The following RBMS3 variants were observed in gnomAD, a reference collection of about 807,000 sequenced individuals.
RBMS3 encodes RNA-binding motif, single-stranded-interacting protein 3.
In RBMS3, 27 loss-of-function variants were observed where a neutral mutation model predicts 66.8. The observed-to-expected ratio is 0.40, with a 90% confidence interval of 0.30 to 0.56. The LOEUF is 0.56. Among genes scored for constraint, RBMS3 ranks in the 20% least tolerant of loss-of-function variants. RBMS3 has a pLI of 0.40. For missense variants in RBMS3, 513 were observed against 549.5 expected, an observed-to-expected ratio of 0.93 and a Z score of 0.66; for synonymous variants, 188 against 183.0, an observed-to-expected ratio of 1.03 and a Z score of -0.22.
At chr3:29,720,391 T>G (rs911746643) in intron 4 of RBMS3, among the ~76,000 whole-genome samples, 1 of 152,136 alleles carries the variant, frequency 6.6e-6, no homozygotes, top group African/African-American at 2.4e-5. Context: ...AGGAAAGATA[T>G]TAACATTTAC....
intron 2 of RBMS3, among the ~76,000 whole-genome samples, chr3:29,475,145 A>G (rs923671663): frequency 2.6e-5 from 4 of 152,208 alleles, no homozygotes; most frequent in African/African-American, 9.6e-5. Flanking sequence ...TAGTGTCTGT[A>G]ACGGATGCTT....
intron 6 of RBMS3, chr3:29,766,337 A>G (rs1023617167): frequency 3.9e-5 from 6 of 151,994 alleles, no homozygotes; most frequent in Admixed American, 2.6e-4. Flanking sequence ...AACAAGGAAA[A>G]AATCTATTTC....
rs1699212090 is a variant in RBMS3 at position 29,996,136 on chromosome 3, G to C, written c.1307+4927G>C. ...TGCAATCCTAGTCTCTGATAAAACA[G>C]ACTTTAAACCAACAAAGATCAAAAG... On this transcript the variant is annotated intron_variant, in intron 14 of 14. Coordinates refer to ENST00000383767, the MANE Select transcript of RBMS3 (RefSeq NM_001003793.3). 6.0e-5 allele frequency among the ~76,000 whole-genome samples: 9 copies of C among 149,762 alleles called. No individual in the cohort carries two copies. The South Asian group carries it at 1.9e-3, about 32-fold the overall frequency.
At chr3:29,330,841 T>A (rs1040149425) in intron 1 of RBMS3, among the ~76,000 whole-genome samples, 6 of 152,104 alleles carry the variant, frequency 3.9e-5, no homozygotes, top group Non-Finnish European at 8.8e-5. Flanking sequence ...ACGTTGTCAG[T>A]CCATAGAAAA....
chr3:29,819,964 G>A (rs1417728915), intron 6 of RBMS3, among the ~76,000 whole-genome samples: 1 of 152,060 alleles, frequency 6.6e-6, no homozygotes, highest in Non-Finnish European at 1.5e-5. Context: ...GAAGGCCAGT[G>A]CAGGTGGATC....
At chr3:29,364,845 G>C (rs1308673695) in intron 1 of RBMS3, among the ~76,000 whole-genome samples, 1 of 152,068 alleles carries the variant, frequency 6.6e-6, no homozygotes, top group Non-Finnish European at 1.5e-5. Context: ...GAAGTATTGA[G>C]ATTTTTATTG....
intron 1 of RBMS3, among the ~76,000 whole-genome samples, chr3:29,352,229 C>T (rs984450099): frequency 6.6e-6 from 1 of 152,020 alleles, no homozygotes; most frequent in East Asian, 1.9e-4. Flanking sequence ...ATATTTTGTT[C>T]GTTTTTGCAA....
chr3:29,431,285 C>CTTTTTCCT (rs535750658), intron 1 of RBMS3, among the ~76,000 whole-genome samples: 3 of 123,046 alleles, frequency 2.4e-5, no homozygotes, highest in Non-Finnish European at 4.9e-5. Flanking sequence ...ATGTTTCTTT[C>CTTTTTCCT]TTTCTTTTTC....
intron 6 of RBMS3, among the ~76,000 whole-genome samples, chr3:29,826,743 G>A (rs2058221641): frequency 6.6e-6 from 1 of 151,954 alleles, no homozygotes; most frequent in Non-Finnish European, 1.5e-5. Flanking sequence ...TTTCTCCTTG[G>A]ATCACCTCCA....
intron 1 of RBMS3, among the ~76,000 whole-genome samples, chr3:29,305,370 T>C (rs1192609108): frequency 2.0e-5 from 3 of 151,986 alleles, no homozygotes; most frequent in Admixed American, 6.6e-5. Flanking sequence ...ATCTGATCTA[T>C]TACATTCTTT....
chr3:29,428,573 T>TAA (rs36117390), intron 1 of RBMS3, among the ~76,000 whole-genome samples: 4 of 144,400 alleles, frequency 2.8e-5, no homozygotes, highest in African/African-American at 1.0e-4. Flanking sequence ...TGCTTTCTGT[T>TAA]AAAAAAAAAA....
intron 7 of RBMS3, 133 bp from the exon 8 acceptor site, chr3:29,884,029 A>C: frequency 8.4e-6 from 6 of 713,178 alleles, no homozygotes; most frequent in Non-Finnish European, 1.4e-5. Context: ...CAGTAAGCAT[A>C]GAGATATACA....
At chr3:29,741,275 A>G (rs1483858704) in intron 5 of RBMS3, among the ~76,000 whole-genome samples, 1 of 152,146 alleles carries the variant, frequency 6.6e-6, no homozygotes, top group Non-Finnish European at 1.5e-5. Context: ...AATGAAGAAA[A>G]TCTCCCTGAC....
At position 29,586,498 on chromosome 3, in the gene RBMS3, TACG is replaced by T. The variant is rs573172685; in HGVS notation, c.308-614_308-612del. On this transcript the variant is annotated intron_variant, in intron 3 of 14. Coordinates refer to ENST00000383767, the MANE Select transcript of RBMS3 (RefSeq NM_001003793.3). ...TTAATCATTCTTTTTCACAGATCTG[TACG>T]AGTCAAAATAATTTAAGATGCTATC... is the stretch of plus-strand genomic sequence containing the variant. 2.9e-3 allele frequency among the ~76,000 whole-genome samples: 441 copies of T among 152,260 alleles called. 1 individual carries two copies. The highest frequency in any genetic ancestry group is 4.7e-3 in the Non-Finnish European group (319 of 68,008).
intron 6 of RBMS3, among the ~76,000 whole-genome samples, chr3:29,814,043 A>C (rs2057803882): frequency 1.3e-5 from 2 of 151,934 alleles, no homozygotes; most frequent in South Asian, 4.1e-4. Context: ...GAGAGAGGGC[A>C]TCCCTGTCTT....
At chr3:29,534,635 T>C (rs1022329546) in intron 3 of RBMS3, among the ~76,000 whole-genome samples, 1 of 152,190 alleles carries the variant, frequency 6.6e-6, no homozygotes, top group Admixed American at 6.5e-5. Flanking sequence ...TAGATTTTGT[T>C]GGAATTAGTT....
chr3:29,696,907 T>G (rs2052306019), intron 4 of RBMS3: 1 of 959,028 alleles, frequency 1.0e-6, no homozygotes, highest in Non-Finnish European at 1.2e-6. Context: ...AACCCCTGAT[T>G]GACTAGTAAA....
intron 6 of RBMS3, among the ~76,000 whole-genome samples, chr3:29,865,474 G>T (rs1480421168): frequency 6.6e-6 from 1 of 152,188 alleles, no homozygotes. Flanking sequence ...AGAATTTTCT[G>T]TAGCCACTGG....
intron 3 of RBMS3, among the ~76,000 whole-genome samples, chr3:29,576,806 C>T (rs1000304561): frequency 6.6e-6 from 1 of 152,148 alleles, no homozygotes; most frequent in African/African-American, 2.4e-5. Context: ...GCCCATGTTC[C>T]CTTAAAGCCC....
Sources: allele counts gnomAD v4.1 joint callset (sites outside exome capture counted in the v4.1 genomes callset), GRCh38; gene constraint gnomAD v4.1.1; transcripts MANE v1.5; gene names NCBI Gene and HGNC (gene_info 2026-07-23, HGNC 2026-07-21).